INTS9: variants seen among roughly 807,000 people sequenced by gnomAD.
INTS9 encodes the protein protein related to CPSF subunits of 74 kDa.
In INTS9, 55 loss-of-function variants were observed where a neutral mutation model predicts 79.7. The ratio of observed to expected loss-of-function variants is 0.69; its 90% CI spans 0.56 to 0.86. The LOEUF (loss-of-function observed/expected upper bound fraction) is 0.86, where lower values mean the gene tolerates loss of function less well. Ranked by LOEUF, INTS9 falls within the 40% of genes least tolerant of loss-of-function variation. The probability of loss-of-function intolerance (pLI) is 0.00; values close to 1 mark genes in which losing one functional copy is unlikely to be tolerated. For missense variants in INTS9, 721 were observed against 831.5 expected (o/e 0.87, Z 1.64); for synonymous variants, 319 against 325.2 (o/e 0.98, Z 0.20).
intron 8 of INTS9, among the ~76,000 whole-genome samples, chr8:28,808,479 C>T (rs542891992): frequency 5.3e-5 from 8 of 152,074 alleles, no homozygotes; most frequent in Non-Finnish European, 8.8e-5. Context: ...CCACCGTGCC[C>T]GGTTAGATTT....
At chr8:28,823,937 A>G (rs577386818) in intron 6 of INTS9, among the ~76,000 whole-genome samples, 8 of 152,328 alleles carry the variant, frequency 5.3e-5, no homozygotes, top group African/African-American at 1.9e-4. Flanking sequence ...TAGCAACAAA[A>G]TATCAATGAT....
intron 11 of INTS9, 78 bp from the exon 12 acceptor site, chr8:28,781,072 C>A: frequency 8.8e-7 from 1 of 1,140,202 alleles, no homozygotes; most frequent in Non-Finnish European, 1.3e-6. Flanking sequence ...GGAGGGTGAG[C>A]GGGACTGGAT....
At position 28,776,961 on chromosome 8, in the gene INTS9, C is replaced by T. The variant is rs541945495; in HGVS notation, c.1395+868G>A. Among the ~76,000 whole-genome samples, 5 of 152,328 alleles carry T rather than the reference C, an allele frequency of 3.3e-5. No individual in the cohort carries two copies. The East Asian group carries it at 5.8e-4, about 18-fold the overall frequency. On this transcript the variant is annotated intron_variant, in intron 13 of 16. Transcript: ENST00000521022. ...AGCGAATCACTGTAGACAGGCCCCA[C>T]GTTTGCTGTCTGCTCTCATCATACC... is the stretch of plus-strand genomic sequence containing the variant.
chr8:28,773,655 G>A (rs976687293), intron 14 of INTS9, among the ~76,000 whole-genome samples: 12 of 148,868 alleles, frequency 8.1e-5, no homozygotes, highest in Non-Finnish European at 1.6e-4. Context: ...GAGTAGCTGC[G>A]ATTACAGGCG....
intron 6 of INTS9, among the ~76,000 whole-genome samples, chr8:28,826,097 C>CA (rs1276407457): frequency 6.6e-6 from 1 of 152,160 alleles, no homozygotes; most frequent in African/African-American, 2.4e-5. Flanking sequence ...TTTTGCTAAT[C>CA]AGATACATAG....
Position 28,812,350 on chromosome 8 carries a change from AG to A in INTS9, c.720del (p.Ser241ProfsTer23). On this transcript the variant is annotated frameshift_variant, in exon 8 of 17. Transcript: ENST00000521022. LOFTEE classifies it high-confidence loss of function. Reference sequence around the variant, plus strand: ...ACCTGGGGGTGTGTGGTAAGCAAGGAGGATCCAGAGACATAAGACACTTTCT... The same window carrying A: ...ACCTGGGGGTGTGTGGTAAGCAAGGAGATCCAGAGACATAAGACACTTTCT... Reference protein sequence around the residue: ...HYEKVSYVSGSSLLTTHPQPM... With the variant: ...HYEKVSYVSGXSLLTTHPQPM... 1.9e-6 allele frequency: 3 copies of A among 1,614,110 alleles called. No homozygotes were observed. Among genetic ancestry groups the A allele is most frequent in the Non-Finnish European group, 1.7e-6 (2 of 1,179,968 alleles).
chr8:28,869,272 G>A (rs1296871803), intron 1 of INTS9, among the ~76,000 whole-genome samples: 5 of 152,094 alleles, frequency 3.3e-5, no homozygotes, highest in Non-Finnish European at 7.4e-5. Context: ...GAACTTCTGG[G>A]CTCCAGCAAG....
At chr8:28,874,006 C>T (rs1277627656) in intron 1 of INTS9, among the ~76,000 whole-genome samples, 2 of 152,204 alleles carry the variant, frequency 1.3e-5, no homozygotes, top group Admixed American at 1.3e-4. Context: ...GTTACTGCTT[C>T]CGAGGTCTTC....
intron 8 of INTS9, chr8:28,796,872 A>G: frequency 2.1e-6 from 1 of 478,592 alleles, no homozygotes; most frequent in Non-Finnish European, 3.8e-6. Context: ...TAAGGGATGA[A>G]CAAGTTCTGT....
At chr8:28,880,231 C>G (rs1051599812) in intron 1 of INTS9, among the ~76,000 whole-genome samples, 1 of 41,096 alleles carries the variant, frequency 2.4e-5, no homozygotes, top group African/African-American at 3.1e-4. Context: ...CATAGCTCTC[C>G]CTCTCCCTCT....
intron 6 of INTS9, among the ~76,000 whole-genome samples, chr8:28,828,956 T>C (rs1203478043): frequency 6.6e-6 from 1 of 152,188 alleles, no homozygotes; most frequent in Non-Finnish European, 1.5e-5. Flanking sequence ...GTGCTGAGAT[T>C]ATAGGCATGA....
intron 3 of INTS9, among the ~76,000 whole-genome samples, chr8:28,849,340 AC>A: frequency 6.6e-6 from 1 of 152,296 alleles, no homozygotes; most frequent in East Asian, 1.9e-4. Context: ...TAACTGTCTA[AC>A]TATTGATCCG....
At chr8:28,871,724 G>A (rs1332180650) in intron 1 of INTS9, among the ~76,000 whole-genome samples, 1 of 152,064 alleles carries the variant, frequency 6.6e-6, no homozygotes, top group African/African-American at 2.4e-5. Context: ...AACTTTTAAG[G>A]CATGATCCTA....
At chr8:28,815,859 G>A (rs1160423437) in intron 6 of INTS9, among the ~76,000 whole-genome samples, 1 of 151,948 alleles carries the variant, frequency 6.6e-6, no homozygotes. Flanking sequence ...AAAATGAAGA[G>A]ACACGAAACT....
intron 14 of INTS9, chr8:28,771,295 C>T: frequency 1.8e-6 from 1 of 568,926 alleles, no homozygotes; most frequent in Admixed American, 2.4e-5. Flanking sequence ...CCCTCATCCC[C>T]TCTCCAGGTG....
intron 1 of INTS9, among the ~76,000 whole-genome samples, chr8:28,869,580 A>T (rs1808955973): frequency 6.6e-6 from 1 of 152,168 alleles, no homozygotes; most frequent in South Asian, 2.1e-4. Flanking sequence ...CCTAATTTGG[A>T]GGCAAATTAC....
At chr8:28,882,502 A>G (rs530688509) in intron 1 of INTS9, among the ~76,000 whole-genome samples, 1 of 146,154 alleles carries the variant, frequency 6.8e-6, no homozygotes, top group African/African-American at 2.5e-5. Context: ...AATAAAAAAA[A>G]AAGAAATATA....
At chr8:28,812,499 A>C in intron 7 of INTS9, 38 bp from the exon 8 acceptor site, 1 of 1,594,076 alleles carries the variant, frequency 6.3e-7, no homozygotes, top group South Asian at 1.1e-5. Flanking sequence ...CAATGAGCTT[A>C]CAGTGACAGT....
In INTS9 at chr8:28,850,379, C is replaced by T. The variant is rs1807765502; in HGVS notation, c.138-106G>A. On this transcript the variant is annotated intron_variant, in intron 2 of 16. Coordinates refer to ENST00000521022, the MANE Select transcript of INTS9 (RefSeq NM_018250.4). ...TAAAGTTAAGAACAGTTTAAAATTA[C>T]TGGCAGTAGTTCTTACCCTAAATTC... 4 of 770,444 alleles carry T rather than the reference C, an allele frequency of 5.2e-6. No homozygotes were observed. In the South Asian group the frequency reaches 8.2e-5, roughly 16 times the overall value. 47.7% of individuals were successfully genotyped at this position (770,444 alleles called of 1,614,324 possible). A position where few individuals can be genotyped will look rare whatever the true frequency, so the allele number is the denominator to read the frequency against.
Sources: gnomAD v4.1 joint callset for allele counts (sites outside exome capture counted in the v4.1 genomes callset) on GRCh38, gnomAD v4.1.1 for gene constraint, MANE v1.5 for transcripts, NCBI Gene and HGNC (gene_info 2026-07-23, HGNC 2026-07-21) for gene names.